Variants in UBXN11 observed in about 807,000 individuals in gnomAD.
UBXN11 encodes the protein UBX domain protein 11.
Under a neutral mutation model 62.8 loss-of-function variants are expected in UBXN11, and 47 were observed. The ratio of observed to expected loss-of-function variants is 0.75; its 90% CI spans 0.59 to 0.95. The LOEUF (loss-of-function observed/expected upper bound fraction) is 0.95. Ranked by LOEUF, UBXN11 falls within the 40% of genes least tolerant of loss-of-function variation. UBXN11 has a pLI of 0.00. For missense variants in UBXN11, 638 were observed against 661.7 expected (o/e 0.96, Z 0.39); for synonymous variants, 294 against 267.0 (o/e 1.10, Z -0.99).
At chr1:26,290,903 C>A (rs2073247789) in intron 8 of UBXN11, among the ~76,000 whole-genome samples, 1 of 152,108 alleles carries the variant, frequency 6.6e-6, no homozygotes, top group Admixed American at 6.5e-5. Flanking sequence ...AGGCCCAACA[C>A]CTGGCCCCAG....
intron 12 of UBXN11, among the ~76,000 whole-genome samples, chr1:26,283,490 C>G (rs1188388911): frequency 6.6e-6 from 1 of 152,086 alleles, no homozygotes; most frequent in Non-Finnish European, 1.5e-5. Flanking sequence ...GCATAAGGAA[C>G]CTGGCTTTAT....
rs551580460 is a variant in UBXN11 at position 26,292,447 on chromosome 1, A to T, written c.559+1758T>A. Among the ~76,000 whole-genome samples, 5 of 152,350 alleles carry T rather than the reference A, an allele frequency of 3.3e-5. No homozygotes were observed. In the East Asian group the frequency reaches 9.6e-4, roughly 29 times the overall value. Reference sequence around the variant, plus strand: ...GGTGGGAGGATCACTTCAGCCCAGGAGGTTGAGGCTGCAGTGAGCCATGAC... The same window carrying T: ...GGTGGGAGGATCACTTCAGCCCAGGTGGTTGAGGCTGCAGTGAGCCATGAC... On this transcript the variant is annotated intron_variant, in intron 8 of 14. Coordinates refer to ENST00000374222, the MANE Select transcript of UBXN11 (RefSeq NM_001389556.1).
intron 4 of UBXN11, among the ~76,000 whole-genome samples, chr1:26,298,757 A>G (rs971990675): frequency 6.7e-6 from 1 of 150,152 alleles, no homozygotes; most frequent in Non-Finnish European, 1.5e-5. Flanking sequence ...AGCCTGGGTA[A>G]CAGAGTGAGG....
chr1:26,313,151 C>A (rs2073760720), intron 1 of UBXN11, among the ~76,000 whole-genome samples: 1 of 152,080 alleles, frequency 6.6e-6, no homozygotes, highest in African/African-American at 2.4e-5. Context: ...GCGGATCACA[C>A]TGTGACGTGT....
At chr1:26,315,400 T>C (rs1277012198) in intron 1 of UBXN11, among the ~76,000 whole-genome samples, 3 of 152,196 alleles carry the variant, frequency 2.0e-5, no homozygotes, top group African/African-American at 7.2e-5. Context: ...ACGGGTATCC[T>C]GTCTTCTGGG....
chr1:26,310,564 A>G (rs2073731514), upstream of UBXN11, among the ~76,000 whole-genome samples: 3 of 150,380 alleles, frequency 2.0e-5, no homozygotes, highest in African/African-American at 7.3e-5. Context: ...GAAAGAAAAG[A>G]AAGAAATACA....
chr1:26,294,809 C>G (rs2073355675), intron 7 of UBXN11, among the ~76,000 whole-genome samples: 1 of 152,210 alleles, frequency 6.6e-6, no homozygotes, highest in Admixed American at 6.5e-5. Context: ...TTTTCTCAAG[C>G]CACTCTAACC....
chr1:26,306,543 C>T (rs903544133), intron 1 of UBXN11, 49 bp downstream of exon 1: 3 of 152,218 alleles, frequency 2.0e-5, no homozygotes, highest in African/African-American at 7.2e-5. Flanking sequence ...GCTCGGGCTC[C>T]AGCCTGCGTG....
At chr1:26,284,034 A>T in intron 12 of UBXN11, 108 bp downstream of exon 12, 1 of 1,124,066 alleles carries the variant, frequency 8.9e-7, no homozygotes, top group Non-Finnish European at 1.3e-6. Context: ...GGGACTCATC[A>T]GGTGCCTCAA....
chr1:26,297,475 T>C lies in UBXN11; in HGVS notation c.307A>G (p.Lys103Glu). The C allele has an allele frequency of 1.9e-6, 3 of 1,555,908 alleles. No individual in the cohort carries two copies. The South Asian group carries it at 3.6e-5, about 18-fold the overall frequency. The change falls in exon 6 of 15, where the codon AAG becomes GAG. Residue 103 changes from lysine to glutamate, a missense_variant. Transcript: ENST00000374222. The stretch of plus-strand genomic sequence containing the variant: ...ACCAGGTCCTCTAGGGCCGCTATCT[T>C]CTGATCCTGTAGCATAAGACACAGG... ...QTDEILSKDQ[K>E]IAALEDLVQT... is the part of the protein sequence containing the mutation.
At chr1:26,304,728 G>A (rs2073620770) in intron 1 of UBXN11, among the ~76,000 whole-genome samples, 1 of 151,990 alleles carries the variant, frequency 6.6e-6, no homozygotes, top group African/African-American at 2.4e-5. Context: ...ACTCCAGCCT[G>A]GGTGACAGAG....
chr1:26,305,427 T>C lies in UBXN11; in HGVS notation c.-36+1165A>G, dbSNP rs191619277. Among the ~76,000 whole-genome samples the C allele has an allele frequency of 2.4e-4, 36 of 152,280 alleles. No homozygotes were observed. The East Asian group carries it at 3.5e-3, about 15-fold the overall frequency. ...CACAGAGCTGTACTACCATCACAAT[T>C]TTAGAACATTTTCGTCAGCCTAAAC... On this transcript the variant is annotated intron_variant, in intron 1 of 14. Transcript: ENST00000374222.
intron 2 of UBXN11, 50 bp from the exon 3 acceptor site, chr1:26,301,772 AATG>A: frequency 6.2e-7 from 1 of 1,611,392 alleles, no homozygotes; most frequent in South Asian, 1.1e-5. Context: ...GGGCCCCTGG[AATG>A]ATACCAGGGA....
In UBXN11 at chr1:26,284,478, C is replaced by G. The variant is rs1236877260; in HGVS notation, c.857G>C (p.Ser286Thr). 6.3e-7 allele frequency: 1 copy of G among 1,594,348 alleles called. No homozygotes were observed. The highest frequency in any genetic ancestry group is 1.7e-5 in the Admixed American group (1 of 58,108). The change falls in exon 11 of 15, where the codon AGT becomes ACT. Residue 286 changes from serine to threonine, a missense_variant. Transcript: ENST00000374222. The part of the protein sequence containing the change: ...LYPNGVPFKV[S>T]DLRNQVYLED... ...CAGGTAGACCTGATTGCGCAAGTCA[C>G]TCACCTGGCAAGAAAGAAGGGCAAC...
chr1:26,286,005 C>G lies in UBXN11; in HGVS notation c.592G>C (p.Asp198His), dbSNP rs752323428. Residue 198 changes from aspartate to histidine, a missense_variant, in exon 9 of 15, where the codon GAC (aspartate) becomes CAC (histidine). By Grantham distance (81) the Asp-to-His change is moderately conservative (BLOSUM62 -1). Transcript: ENST00000374222. ...DSLAPPEVDF[D>H]RLLASLQDLS... The stretch of plus-strand genomic sequence containing the variant: ...TCCTGCAGGCTGGCCAGCAGCCTGT[C>G]AAAGTCCACCTCAGGGGGCGCCAAT... 2.6e-5 allele frequency: 42 copies of G among 1,610,896 alleles called. No individual in the cohort carries two copies. Among genetic ancestry groups the G allele is most frequent in the Non-Finnish European group, 3.1e-5 (37 of 1,177,944 alleles).
intron 1 of UBXN11, among the ~76,000 whole-genome samples, chr1:26,314,895 C>T (rs893963743): frequency 2.6e-5 from 4 of 152,090 alleles, no homozygotes; most frequent in African/African-American, 9.7e-5. Flanking sequence ...GCAGTCTGGG[C>T]AACATAGCAA....
chr1:26,302,302 G>C (rs2073556080), intron 2 of UBXN11, among the ~76,000 whole-genome samples: 1 of 142,092 alleles, frequency 7.0e-6, no homozygotes, highest in Non-Finnish European at 1.5e-5. Context: ...ACAGGTTGCA[G>C]TGAGCCAAGA....
chr1:26,317,086 A>T (rs896490420), intron 1 of UBXN11, among the ~76,000 whole-genome samples: 5 of 151,524 alleles, frequency 3.3e-5, no homozygotes, highest in Non-Finnish European at 5.9e-5. Flanking sequence ...AAAAAAATAC[A>T]AAAAATTAGC....
intron 8 of UBXN11, among the ~76,000 whole-genome samples, chr1:26,293,948 G>C (rs1277252410): frequency 6.6e-6 from 1 of 152,100 alleles, no homozygotes; most frequent in Admixed American, 6.5e-5. Context: ...GCTACCTCTT[G>C]TATCTCTGGG....
Sources: gnomAD v4.1 joint callset for allele counts (sites outside exome capture counted in the v4.1 genomes callset) on GRCh38, gnomAD v4.1.1 for gene constraint, MANE v1.5 for transcripts, NCBI Gene and HGNC (gene_info 2026-07-23, HGNC 2026-07-21) for gene names.